SLC6A5: variants seen among roughly 807,000 people sequenced by gnomAD.
SLC6A5 encodes solute carrier family 6 member 5.
A neutral mutation model predicts 90.5 loss-of-function variants in SLC6A5; 58 were observed. The observed-to-expected ratio is 0.64, with a 90% CI of 0.52 to 0.80. SLC6A5 has a LOEUF of 0.80. SLC6A5 is among the 30% of genes least tolerant of loss of function. The pLI, the probability that SLC6A5 is intolerant of heterozygous loss-of-function variation, is 0.00. For missense variants in SLC6A5, 1,015 were observed against 1,017.6 expected (o/e 1.00, Z 0.03); for synonymous variants, 427 against 401.4 (o/e 1.06, Z -0.76).
intron 3 of SLC6A5, 53 bp from the exon 4 acceptor site, chr11:20,606,954 G>A: frequency 6.2e-7 from 1 of 1,612,842 alleles, no homozygotes; most frequent in South Asian, 1.1e-5. Context: ...GTTAAGGAGG[G>A]CAGCAGCCTG....
chr11:20,604,321 G>A lies in SLC6A5; in HGVS notation c.576G>A (p.Gly192=). 6.2e-7 allele frequency: 1 copy of A among 1,613,848 alleles called. No homozygotes were observed. The highest frequency in any genetic ancestry group is 8.5e-7 in the Non-Finnish European group (1 of 1,179,812). The change falls in exon 3 of 16, where the codon GGG becomes GGA. Residue 192 remains glycine (G), a synonymous_variant. Transcript: ENST00000525748. ...AAGGGGATGAGAATAAGGCCCGAGG[G>A]AACTGGTCCAGCAAACTGGACTTCA... ...DEQGDENKAR[G]NWSSKLDFIL...
chr11:20,647,239 TTATATA>T (rs201247599), intron 14 of SLC6A5, among the ~76,000 whole-genome samples: 2 of 144,200 alleles, frequency 1.4e-5, no homozygotes, highest in African/African-American at 5.1e-5. Flanking sequence ...TTATATATAT[TTATATA>T]TATATCAGTT....
At position 20,652,383 on chromosome 11, in the gene SLC6A5, T is replaced by C. The variant is rs1213817694; in HGVS notation, c.2165T>C (p.Leu722Pro). 1 of 1,614,188 alleles carries C rather than the reference T, an allele frequency of 6.2e-7. No individual in the cohort carries two copies. Among genetic ancestry groups the C allele is most frequent in the South Asian group, 1.1e-5 (1 of 91,082 alleles). ...TCCATGGTGCTCGGATGGCTAATGC[T>C]CGCCTGTTCCGTCATCTGGATCCCA... is the stretch of plus-strand genomic sequence containing the variant. ...NWSMVLGWLM[L>P]ACSVIWIPIM... Residue 722 changes from leucine (L) to proline (P), a missense_variant, in exon 15 of 16, where the codon CTC becomes CCC. By Grantham distance (98) the Leu-to-Pro change is moderately conservative (BLOSUM62 -3). This residue lies in a region of SLC6A5 where 442 missense variants were observed against 494.3 expected (regional missense o/e 0.89). Coordinates refer to ENST00000525748, the MANE Select transcript of SLC6A5 (RefSeq NM_004211.5).
intron 2 of SLC6A5, 149 bp from the exon 3 acceptor site, chr11:20,604,137 A>G: frequency 1.1e-6 from 1 of 932,042 alleles, no homozygotes; most frequent in South Asian, 1.7e-5. Flanking sequence ...TCCTTTCTTT[A>G]GATTTGGGGT....
chr11:20,617,810 C>T lies in SLC6A5; in HGVS notation c.1186C>T (p.Leu396=). The T allele has an allele frequency of 6.2e-7, 1 of 1,614,226 alleles. No individual in the cohort carries two copies. The highest frequency in any genetic ancestry group is 8.5e-7 in the Non-Finnish European group (1 of 1,180,030). The change falls in exon 7 of 16, where the codon CTA becomes TTA. Residue 396 remains leucine, a synonymous_variant. Transcript: ENST00000525748. ...ATATCCTGGCGAGATCAGGTGGCCACTAGCTCTCTGCCTCTTCCTGGCTTG... is the reference window on the plus strand; with the variant it reads ...ATATCCTGGCGAGATCAGGTGGCCATTAGCTCTCTGCCTCTTCCTGGCTTG... ...IEYPGEIRWP[L]ALCLFLAWVI...
intron 7 of SLC6A5, among the ~76,000 whole-genome samples, chr11:20,625,473 G>T (rs1171430315): frequency 6.6e-6 from 1 of 152,094 alleles, no homozygotes; most frequent in Non-Finnish European, 1.5e-5. Flanking sequence ...TATTGGCCAG[G>T]CTGGTCTTGA....
intron 9 of SLC6A5, 152 bp from the exon 10 acceptor site, chr11:20,630,539 C>T: frequency 2.2e-6 from 2 of 917,418 alleles, no homozygotes; most frequent in South Asian, 2.7e-5. Context: ...TTTAAGTGAG[C>T]CCAAGGGAGC....
At chr11:20,618,945 G>GACACACACACAC (rs68111718) in intron 7 of SLC6A5, among the ~76,000 whole-genome samples, 9,903 of 148,508 alleles carry the variant, frequency 0.067, 424 homozygotes, top group East Asian at 0.12. Flanking sequence ...TGTCCCGCCC[G>GACACACACACAC]ACACACACAC....
chr11:20,652,064 C>T (rs998622895), intron 14 of SLC6A5, among the ~76,000 whole-genome samples: 1 of 152,174 alleles, frequency 6.6e-6, no homozygotes, highest in East Asian at 1.9e-4. Flanking sequence ...TATTGCTCCG[C>T]TCCCATGGTT....
rs1408119036 is a variant in SLC6A5, at chr11:20,656,380, AT to A, written c.*1513del. 6.6e-6 allele frequency: 1 copy of A among 152,186 alleles called. No homozygotes were observed. Among genetic ancestry groups the A allele is most frequent in the Admixed American group, 6.5e-5 (1 of 15,278 alleles). 9.4% of individuals were successfully genotyped at this position (152,186 alleles called of 1,614,324 possible). ...GTTTCCTTTAGGGGAGATCATTTCA[AT>A]CATTTTCTTCATTTATCTTCATAGT... On this transcript the variant is annotated 3_prime_UTR_variant, in exon 16 of 16. Coordinates refer to ENST00000525748, the MANE Select transcript of SLC6A5 (RefSeq NM_004211.5).
Position 20,638,329 on chromosome 11 carries a change from G to A in SLC6A5, c.1870-130G>A, listed in dbSNP as rs149675173. 750 of 719,762 alleles carry A rather than the reference G, an allele frequency of 1.0e-3. 13 individuals carry two copies. In the East Asian group the frequency reaches 0.016, roughly 16 times the overall value. 44.6% of individuals were successfully genotyped at this position (719,762 alleles called of 1,614,324 possible). On this transcript the variant is annotated intron_variant, in intron 12 of 15. Coordinates refer to ENST00000525748, the MANE Select transcript of SLC6A5 (RefSeq NM_004211.5). ...AGGTGTAGGTTACTGCTACTGAGAG[G>A]AGGGGAGATGCATGGACTCCTGTTT...
chr11:20,600,529 T>C (rs1450980503), intron 1 of SLC6A5, among the ~76,000 whole-genome samples: 5 of 152,166 alleles, frequency 3.3e-5, no homozygotes, highest in African/African-American at 1.2e-4. Context: ...TAAATTTAGT[T>C]TATTATCGTT....
At position 20,626,832 on chromosome 11, in the gene SLC6A5, C is replaced by T. The variant is rs774730423; in HGVS notation, c.1385C>T (p.Thr462Met). 46 of 1,613,720 alleles carry T rather than the reference C, an allele frequency of 2.9e-5. No homozygotes were observed. Among genetic ancestry groups the T allele is most frequent in the African/African-American group, 5.3e-5 (4 of 74,924 alleles). The change falls in exon 8 of 16, where the codon ACG (threonine) becomes ATG (methionine). Residue 462 changes from threonine (T) to methionine (M), a missense_variant. Thr to Met is a moderately conservative substitution (Grantham distance 81). Coordinates refer to ENST00000525748, the MANE Select transcript of SLC6A5 (RefSeq NM_004211.5). ...ATCACACCCAAGTGGGAGAAACTCA[C>T]GGATGCCACGGTGGGCTTCTAATTT... The part of the protein sequence containing the change: ...YFITPKWEKL[T>M]DATVWKDAAT...
At chr11:20,616,971 G>T (rs1298243155) in intron 6 of SLC6A5, among the ~76,000 whole-genome samples, 3 of 152,242 alleles carry the variant, frequency 2.0e-5, no homozygotes, top group Non-Finnish European at 4.4e-5. Flanking sequence ...GAGGATGTAT[G>T]GCTAGATGGT....
intron 5 of SLC6A5, among the ~76,000 whole-genome samples, chr11:20,613,785 A>G (rs1181804538): frequency 6.7e-6 from 1 of 149,302 alleles, no homozygotes; most frequent in Non-Finnish European, 1.5e-5. Context: ...TCAGCCTCCC[A>G]AGTATTTAGG....
rs540810985 is a variant in SLC6A5, at chr11:20,637,106, G to A, written c.1738-66G>A. ...AACTTTCCTGGATGGGACATACAAA[G>A]GGCTTGGGGGTACCTCCTGGGTGGT... On this transcript the variant is annotated intron_variant, in intron 11 of 15. Coordinates refer to ENST00000525748, the MANE Select transcript of SLC6A5 (RefSeq NM_004211.5). 28 of 1,541,886 alleles carry A rather than the reference G, an allele frequency of 1.8e-5. No homozygotes were observed. The Admixed American group carries it at 2.2e-4, about 12-fold the overall frequency.
chr11:20,638,170 C>T (rs1195884784), intron 12 of SLC6A5, among the ~76,000 whole-genome samples: 1 of 152,340 alleles, frequency 6.6e-6, no homozygotes, highest in Non-Finnish European at 1.5e-5. Flanking sequence ...TATACTTCTT[C>T]AGACCTTGAC....
intron 1 of SLC6A5, among the ~76,000 whole-genome samples, chr11:20,600,410 A>AGAAGAAGAAGAG (rs1565269101): frequency 6.7e-6 from 1 of 148,226 alleles, no homozygotes; most frequent in Non-Finnish European, 1.5e-5. Context: ...AAGAAGAAGA[A>AGAAGAAGAAGAG]GACCTAAACA....
intron 5 of SLC6A5, among the ~76,000 whole-genome samples, chr11:20,612,417 C>T (rs947232515): frequency 3.9e-5 from 6 of 152,178 alleles, no homozygotes; most frequent in African/African-American, 9.7e-5. Context: ...TTCAAGCTCT[C>T]GGGAGTAGTG....
Sources: gnomAD v4.1 joint callset for allele counts (sites outside exome capture counted in the v4.1 genomes callset) on GRCh38, gnomAD v4.1.1 for gene constraint, gnomAD v4.1.1 regional missense constraint, MANE v1.5 for transcripts, NCBI Gene and HGNC (gene_info 2026-07-23, HGNC 2026-07-21) for gene names.